The following GSE1 variants were observed in gnomAD, a reference collection of about 807,000 sequenced individuals.
GSE1 encodes the protein genetic suppressor element 1.
In GSE1, 32 loss-of-function variants were observed where a neutral mutation model predicts 112.6. The observed-to-expected ratio is 0.28, with a 90% CI of 0.21 to 0.38. The LOEUF (loss-of-function observed/expected upper bound fraction) is 0.38. Ranked by LOEUF, GSE1 falls within the 10% of genes least tolerant of loss-of-function variation. The pLI is 1.00. For synonymous variants in GSE1, 1,115 were observed against 735.6 expected (o/e 1.52, Z -8.35); for missense variants, 2,348 against 1,699.2 (o/e 1.38, Z -6.71).
intron 1 of GSE1, among the ~76,000 whole-genome samples, chr16:85,329,112 TC>T (rs1289535685): frequency 6.8e-6 from 1 of 146,324 alleles, no homozygotes; most frequent in African/African-American, 2.6e-5. Context: ...CTCCTCCCCC[TC>T]CCCCACAGCT....
At chr16:85,204,604 C>G (rs894445880) in intron 1 of GSE1, among the ~76,000 whole-genome samples, 22 of 152,256 alleles carry the variant, frequency 1.4e-4, no homozygotes, top group African/African-American at 5.1e-4. Flanking sequence ...CTTTCTGATT[C>G]TAGCCATCCT....
chr16:85,415,690 C>T (rs867754296), intron 2 of GSE1, among the ~76,000 whole-genome samples: 3 of 152,366 alleles, frequency 2.0e-5, no homozygotes, highest in Middle Eastern at 3.4e-3. Flanking sequence ...AGCAGAGCTG[C>T]GAGGGTGGGA....
intron 2 of GSE1, among the ~76,000 whole-genome samples, chr16:85,385,843 G>T (rs1386183669): frequency 6.6e-6 from 1 of 152,198 alleles, no homozygotes; most frequent in African/African-American, 2.4e-5. Context: ...TGACCCCCGG[G>T]CCAGGACGGC....
intron 1 of GSE1, among the ~76,000 whole-genome samples, chr16:85,296,248 C>T (rs2045363564): frequency 6.6e-6 from 1 of 152,154 alleles, no homozygotes; most frequent in South Asian, 2.1e-4. Context: ...ACCTCCCACG[C>T]ACGGCTCATC....
At chr16:85,524,712 G>C (rs577929380) in intron 2 of GSE1, among the ~76,000 whole-genome samples, 9 of 152,196 alleles carry the variant, frequency 5.9e-5, no homozygotes, top group African/African-American at 2.2e-4. Context: ...GTAATCACGA[G>C]GGGGAGAGGG....
At chr16:85,554,045 G>C (rs930071332), upstream of GSE1, among the ~76,000 whole-genome samples, 1 of 152,176 alleles carries the variant, frequency 6.6e-6, no homozygotes, top group Non-Finnish European at 1.5e-5. Context: ...TGACCCCTTA[G>C]TGTCACCAAG....
intron 1 of GSE1, among the ~76,000 whole-genome samples, chr16:85,335,107 A>G (rs1236705376): frequency 1.3e-5 from 2 of 152,198 alleles, no homozygotes; most frequent in Admixed American, 6.5e-5. Flanking sequence ...CTGCGCATGT[A>G]ATTAAACATG....
Position 85,331,459 on chromosome 16 carries a change from ATG to A in GSE1, c.2284-25998_2284-25997del, listed in dbSNP as rs1372637105. 6.4e-5 allele frequency among the ~76,000 whole-genome samples: 9 copies of A among 139,962 alleles called. No homozygotes were observed. In the South Asian group the frequency reaches 1.4e-3, roughly 21 times the overall value. The allele number at this position is 139,962 out of a possible 152,430, so 91.8% of individuals were successfully genotyped here. A position where few individuals can be genotyped will look rare whatever the true frequency, so the allele number is the denominator to read the frequency against. Reference sequence around the variant, plus strand: ...TATATATGCGTATATATGTATATATATGTGTGTATATATGTATATATGTGTAT... The same window carrying A: ...TATATATGCGTATATATGTATATATATGTGTATATATGTATATATGTGTAT... On this transcript the variant is annotated intron_variant, in intron 1 of 2. Coordinates refer to the GSE1 transcript ENST00000637419.
chr16:85,386,328 C>T (rs114187617), intron 2 of GSE1, among the ~76,000 whole-genome samples: 2 of 152,334 alleles, frequency 1.3e-5, no homozygotes, highest in African/African-American at 4.8e-5. Flanking sequence ...CTGCCTGGGT[C>T]AAACCTGGTC....
At chr16:85,440,907 C>A (rs1327972184) in intron 2 of GSE1, among the ~76,000 whole-genome samples, 1 of 152,228 alleles carries the variant, frequency 6.6e-6, no homozygotes, top group Non-Finnish European at 1.5e-5. Flanking sequence ...GGAGTCCTCA[C>A]CCATCATGCG....
At chr16:85,468,620 C>A (rs2050193313) in intron 2 of GSE1, among the ~76,000 whole-genome samples, 1 of 151,914 alleles carries the variant, frequency 6.6e-6, no homozygotes, top group Non-Finnish European at 1.5e-5. Flanking sequence ...CCACCCCCAG[C>A]CCTCGTAGGG....
chr16:85,556,143 CGG>C (rs60654672), exon 1 of GSE1: 83 of 860,136 alleles, frequency 9.6e-5, no homozygotes, highest in African/African-American at 6.3e-4. Context: ...TCTTGCGGGG[CGG>C]GGGGGGGAAA....
intron 2 of GSE1, among the ~76,000 whole-genome samples, chr16:85,544,949 G>A (rs1281798943): frequency 6.6e-6 from 1 of 152,250 alleles, no homozygotes; most frequent in Non-Finnish European, 1.5e-5. Flanking sequence ...TGGTGTGTGA[G>A]CCACTGGTTC....
At chr16:85,640,189 A>T (rs923919194) in intron 2 of GSE1, among the ~76,000 whole-genome samples, 51 of 151,200 alleles carry the variant, frequency 3.4e-4, no homozygotes, top group African/African-American at 1.0e-3. Context: ...GCCCGTTCCC[A>T]CCCCGCCTCC....
chr16:85,455,578 C>T (rs1289475950), intron 2 of GSE1, among the ~76,000 whole-genome samples: 1 of 152,194 alleles, frequency 6.6e-6, no homozygotes, highest in Non-Finnish European at 1.5e-5. Context: ...AGCCTCTGCT[C>T]ATTTGGGGGA....
chr16:85,538,295 G>A (rs2044401969), intron 2 of GSE1, among the ~76,000 whole-genome samples: 1 of 152,222 alleles, frequency 6.6e-6, no homozygotes, highest in Non-Finnish European at 1.5e-5. Context: ...AAGGCAAATC[G>A]CTTTCAGTGG....
chr16:85,451,021 C>T (rs2049663089), intron 2 of GSE1, among the ~76,000 whole-genome samples: 1 of 141,142 alleles, frequency 7.1e-6, no homozygotes, highest in African/African-American at 2.7e-5. Flanking sequence ...TTGCAGTGAG[C>T]CAAGATCGCA....
intron 1 of GSE1, among the ~76,000 whole-genome samples, chr16:85,220,009 G>A (rs941014617): frequency 2.0e-5 from 3 of 152,150 alleles, no homozygotes; most frequent in Admixed American, 6.5e-5. Flanking sequence ...TCAGGTGGGC[G>A]CTCCCTTCTC....
intron 1 of GSE1, among the ~76,000 whole-genome samples, chr16:85,319,091 C>A (rs1165049335): frequency 6.6e-6 from 1 of 152,132 alleles, no homozygotes; most frequent in Non-Finnish European, 1.5e-5. Flanking sequence ...TGGGGCCCAG[C>A]ATGTCATAGG....
Sources: allele counts gnomAD v4.1 joint callset (sites outside exome capture counted in the v4.1 genomes callset), GRCh38; gene constraint gnomAD v4.1.1; transcripts MANE v1.5; gene names NCBI Gene and HGNC (gene_info 2026-07-23, HGNC 2026-07-21).